MAGI1: variants seen among roughly 807,000 people sequenced by gnomAD.
MAGI1 encodes the protein membrane associated guanylate kinase, WW and PDZ domain containing 1.
MAGI1 carries 58 observed loss-of-function variants against 139.9 expected under a neutral mutation model. The observed-to-expected ratio is 0.41, with a 90% CI of 0.34 to 0.52. The LOEUF (loss-of-function observed/expected upper bound fraction) is 0.52, where lower values mean the gene tolerates loss of function less well. Among genes scored for constraint, MAGI1 ranks in the 20% least tolerant of loss-of-function variants. MAGI1 has a pLI of 0.12. For synonymous variants in MAGI1, 812 were observed against 737.9 expected, an observed-to-expected ratio of 1.10 and a Z score of -1.63; for missense variants, 1,874 against 1,901.6, an observed-to-expected ratio of 0.99 and a Z score of 0.27.
chr3:65,375,408 C>T (rs1278906503), intron 18 of MAGI1, among the ~76,000 whole-genome samples: 2 of 151,660 alleles, frequency 1.3e-5, no homozygotes, highest in Non-Finnish European at 2.9e-5. Flanking sequence ...AGGATGGTCT[C>T]GATCTCCTGA....
rs183111424 is a variant in MAGI1 at position 65,555,717 on chromosome 3, G to A, written c.431-62086C>T. Among the ~76,000 whole-genome samples, 44 of 152,246 alleles carry A rather than the reference G, an allele frequency of 2.9e-4. No individual in the cohort carries two copies. In the East Asian group the frequency reaches 7.5e-3, roughly 26 times the overall value. Reference sequence around the variant, plus strand: ...CAAAAAAATAAAAGAAAATTGCCAGGCATAGTGATGCGTGCCTGTGGTCCC... The same window carrying A: ...CAAAAAAATAAAAGAAAATTGCCAGACATAGTGATGCGTGCCTGTGGTCCC... On this transcript the variant is annotated intron_variant, in intron 2 of 22. Coordinates refer to ENST00000402939, the MANE Select transcript of MAGI1 (RefSeq NM_001033057.2).
intron 1 of MAGI1, among the ~76,000 whole-genome samples, chr3:65,907,454 T>C (rs1002921083): frequency 4.6e-5 from 7 of 151,666 alleles, no homozygotes; most frequent in Non-Finnish European, 1.0e-4. Flanking sequence ...AAAGTACTTA[T>C]CCCCCCACAC....
intron 1 of MAGI1, among the ~76,000 whole-genome samples, chr3:65,746,232 T>C (rs773294529): frequency 3.2e-4 from 48 of 152,008 alleles, no homozygotes; most frequent in Non-Finnish European, 3.4e-4. Flanking sequence ...GACAGGGTTT[T>C]AATATGTTGG....
At chr3:65,398,883 A>T (rs138244339) in intron 13 of MAGI1, among the ~76,000 whole-genome samples, 8 of 152,332 alleles carry the variant, frequency 5.3e-5, no homozygotes, top group Non-Finnish European at 1.2e-4. Flanking sequence ...TAAATCTTGA[A>T]GGTGAAATTG....
At chr3:65,469,220 CAT>C (rs767170526) in intron 5 of MAGI1, among the ~76,000 whole-genome samples, 40 of 152,158 alleles carry the variant, frequency 2.6e-4, no homozygotes, top group East Asian at 1.5e-3. Flanking sequence ...AGATCCTTCT[CAT>C]AGTTTTCTGC....
At chr3:65,594,903 T>C (rs1055109287) in intron 2 of MAGI1, among the ~76,000 whole-genome samples, 1 of 152,196 alleles carries the variant, frequency 6.6e-6, no homozygotes, top group Non-Finnish European at 1.5e-5. Context: ...TTCTATTCCA[T>C]GCAAGCCTAA....
chr3:65,505,167 C>T (rs1473128455), intron 2 of MAGI1, among the ~76,000 whole-genome samples: 1 of 152,092 alleles, frequency 6.6e-6, no homozygotes, highest in Non-Finnish European at 1.5e-5. Flanking sequence ...GGTAATAATA[C>T]TTTCACTTTC....
chr3:65,507,765 T>C (rs1394557739), intron 2 of MAGI1, among the ~76,000 whole-genome samples: 1 of 152,262 alleles, frequency 6.6e-6, no homozygotes, highest in African/African-American at 2.4e-5. Context: ...TCTCACATTA[T>C]GTGGTACTTC....
chr3:65,666,523 C>T (rs1559768286), intron 1 of MAGI1, among the ~76,000 whole-genome samples: 1 of 152,148 alleles, frequency 6.6e-6, no homozygotes. Flanking sequence ...ACCTTATAGA[C>T]ATTCAATCAC....
At chr3:65,939,270 A>G (rs1050819017) in intron 1 of MAGI1, among the ~76,000 whole-genome samples, 3 of 152,106 alleles carry the variant, frequency 2.0e-5, no homozygotes, top group Non-Finnish European at 4.4e-5. Context: ...CCACATTTCT[A>G]TTCCTATGGG....
chr3:65,636,903 C>A (rs553046419), intron 1 of MAGI1, among the ~76,000 whole-genome samples: 1 of 152,104 alleles, frequency 6.6e-6, no homozygotes, highest in Non-Finnish European at 1.5e-5. Context: ...CAGACCCAGC[C>A]GACCAAATCT....
chr3:65,635,709 C>A (rs2084576001), intron 1 of MAGI1, among the ~76,000 whole-genome samples: 1 of 152,240 alleles, frequency 6.6e-6, no homozygotes, highest in Admixed American at 6.5e-5. Flanking sequence ...ATTCCACAGC[C>A]TTGAACATCC....
chr3:65,737,840 T>C (rs921475135), intron 1 of MAGI1, among the ~76,000 whole-genome samples: 2 of 152,050 alleles, frequency 1.3e-5, no homozygotes, highest in Admixed American at 6.6e-5. Context: ...AAGCCTGAAG[T>C]TTCACTTAAC....
intron 1 of MAGI1, among the ~76,000 whole-genome samples, chr3:65,962,230 CTA>C (rs2064471998): frequency 6.6e-6 from 1 of 150,936 alleles, no homozygotes; most frequent in Non-Finnish European, 1.5e-5. Context: ...CGCCATTCTC[CTA>C]CTCAGCCTCC....
chr3:65,581,975 C>G (rs1355044894), intron 2 of MAGI1, among the ~76,000 whole-genome samples: 1 of 152,138 alleles, frequency 6.6e-6, no homozygotes, highest in Non-Finnish European at 1.5e-5. Context: ...AAAGTGTACA[C>G]AACTGGAACC....
chr3:65,782,188 G>C (rs907563829), intron 1 of MAGI1, among the ~76,000 whole-genome samples: 1 of 152,108 alleles, frequency 6.6e-6, no homozygotes, highest in Non-Finnish European at 1.5e-5. Context: ...ACATGACAAA[G>C]GGGAATTAAG....
At position 65,363,582 on chromosome 3, in the gene MAGI1, C is replaced by T. The variant is rs140391670; in HGVS notation, c.3378G>A (p.Leu1126=). ...TQEQDFYTVE[L]ERGAKGFGFS... Reference sequence around the variant, plus strand: ...AGCCAAATCCCTTGGCTCCTCTTTCCAGTTCCACAGTGTAAAAATCTTGCT... The same window carrying T: ...AGCCAAATCCCTTGGCTCCTCTTTCTAGTTCCACAGTGTAAAAATCTTGCT... Residue 1126 remains leucine (L), a synonymous_variant, in exon 21 of 23, where the codon CTG becomes CTA. Transcript: ENST00000402939. The T allele has an allele frequency of 2.9e-5, 47 of 1,613,788 alleles. 1 individual carries two copies. In the African/African-American group the frequency reaches 4.1e-4, roughly 14 times the overall value.
chr3:65,567,265 G>A (rs1036918234), intron 2 of MAGI1, among the ~76,000 whole-genome samples: 2 of 148,670 alleles, frequency 1.3e-5, no homozygotes, highest in Non-Finnish European at 3.0e-5. Flanking sequence ...CTTTTGTTTG[G>A]AGATAATGAC....
At chr3:65,433,179 G>A (rs957926963) in intron 10 of MAGI1, among the ~76,000 whole-genome samples, 6 of 152,086 alleles carry the variant, frequency 3.9e-5, no homozygotes, top group African/African-American at 1.2e-4. Flanking sequence ...TTGAGTGAGA[G>A]AATGAATGAA....
Sources: gnomAD v4.1 joint callset for allele counts (sites outside exome capture counted in the v4.1 genomes callset) on GRCh38, gnomAD v4.1.1 for gene constraint, MANE v1.5 for transcripts, NCBI Gene and HGNC (gene_info 2026-07-23, HGNC 2026-07-21) for gene names.